ANXA4: variants seen among roughly 807,000 people sequenced by gnomAD.
ANXA4 encodes 35-beta calcimedin.
ANXA4 carries 39 observed loss-of-function variants against 49.8 expected under a neutral mutation model. The ratio of observed to expected loss-of-function variants is 0.78; its 90% CI spans 0.61 to 1.02. The LOEUF (loss-of-function observed/expected upper bound fraction) is 1.02. ANXA4 is among the 50% of genes least tolerant of loss of function. ANXA4 has a pLI of 0.00. For synonymous variants in ANXA4, 134 were observed against 152.5 expected (o/e 0.88, Z 0.89); for missense variants, 360 against 410.1 (o/e 0.88, Z 1.05).
intron 6 of ANXA4, 82 bp from the exon 7 acceptor site, chr2:69,810,512 A>G: frequency 8.5e-7 from 1 of 1,174,730 alleles, no homozygotes; most frequent in South Asian, 1.2e-5. Flanking sequence ...GCTGGTCTTG[A>G]GGGGACAGAT....
At chr2:69,783,456 C>T (rs1672284456) in intron 2 of ANXA4, among the ~76,000 whole-genome samples, 1 of 152,198 alleles carries the variant, frequency 6.6e-6, no homozygotes, top group South Asian at 2.1e-4. Context: ...ACCTCATGAT[C>T]TGCCCGCCTC....
intron 2 of ANXA4, among the ~76,000 whole-genome samples, chr2:69,689,929 A>G (rs1677905278): frequency 6.6e-6 from 1 of 150,778 alleles, no homozygotes; most frequent in East Asian, 1.9e-4. Context: ...TCTCTCATTA[A>G]AAAAATAAGG....
intron 1 of ANXA4, among the ~76,000 whole-genome samples, chr2:69,779,215 T>C (rs1672099985): frequency 6.6e-6 from 1 of 151,504 alleles, no homozygotes; most frequent in South Asian, 2.1e-4. Flanking sequence ...GGAAAGAGCT[T>C]GAAAATTATG....
chr2:69,676,371 C>T (rs1275121048), intron 2 of ANXA4, among the ~76,000 whole-genome samples: 3 of 152,092 alleles, frequency 2.0e-5, no homozygotes, highest in South Asian at 2.1e-4. Flanking sequence ...AAGTCTCATG[C>T]GTAGTGAATG....
intron 2 of ANXA4, among the ~76,000 whole-genome samples, chr2:69,786,178 C>A (rs1573252442): frequency 1.3e-5 from 2 of 152,300 alleles, no homozygotes; most frequent in Non-Finnish European, 2.9e-5. Flanking sequence ...CTCCAGTTTT[C>A]TCCATCTGGG....
intron 2 of ANXA4, among the ~76,000 whole-genome samples, chr2:69,685,251 G>A (rs1004631318): frequency 6.6e-6 from 1 of 152,118 alleles, no homozygotes; most frequent in African/African-American, 2.4e-5. Flanking sequence ...AAACAAGTCA[G>A]GGCTAATTTA....
intron 2 of ANXA4, among the ~76,000 whole-genome samples, chr2:69,712,939 T>C (rs918648352): frequency 6.6e-6 from 1 of 152,198 alleles, no homozygotes; most frequent in African/African-American, 2.4e-5. Flanking sequence ...CAGGACTCTT[T>C]GGGGCCAATG....
chr2:69,793,001 C>T (rs1398151206), intron 3 of ANXA4, among the ~76,000 whole-genome samples: 1 of 151,220 alleles, frequency 6.6e-6, no homozygotes. Context: ...TGCCTGTAAT[C>T]CCAGCACTTT....
At position 69,811,794 on chromosome 2, in the gene ANXA4, C is replaced by T. The variant is rs143637054; in HGVS notation, c.478-859C>T. On this transcript the variant is annotated intron_variant, in intron 7 of 12. Transcript: ENST00000394295. ...GAACCCTGGAAATCATCTCCAATTTCCACTTTGCTCTTGTCTCCAATATTT... is the reference window on the plus strand; with the variant it reads ...GAACCCTGGAAATCATCTCCAATTTTCACTTTGCTCTTGTCTCCAATATTT... 5.3e-3 allele frequency among the ~76,000 whole-genome samples: 804 copies of T among 152,308 alleles called. 7 individuals are homozygous for T. The highest frequency in any genetic ancestry group is 0.017 in the African/African-American group (692 of 41,562).
At chr2:69,725,711 C>T (rs1669947483) in intron 3 of ANXA4, among the ~76,000 whole-genome samples, 1 of 152,142 alleles carries the variant, frequency 6.6e-6, no homozygotes, top group African/African-American at 2.4e-5. Context: ...GGCCTTCAGG[C>T]TAATGTGCAC....
At chr2:69,764,440 C>A (rs1671423456) in intron 1 of ANXA4, among the ~76,000 whole-genome samples, 1 of 152,170 alleles carries the variant, frequency 6.6e-6, no homozygotes, top group African/African-American at 2.4e-5. Flanking sequence ...ACTCATGATG[C>A]TGTGCAAAAG....
At chr2:69,791,974 A>G (rs1426863083) in intron 3 of ANXA4, among the ~76,000 whole-genome samples, 2 of 152,202 alleles carry the variant, frequency 1.3e-5, no homozygotes, top group African/African-American at 4.8e-5. Flanking sequence ...TTTGGAACAC[A>G]TGTTAATATT....
intron 2 of ANXA4, among the ~76,000 whole-genome samples, chr2:69,676,934 T>C (rs1282311775): frequency 2.0e-5 from 3 of 152,096 alleles, no homozygotes; most frequent in Non-Finnish European, 4.4e-5. Context: ...ATAAAATTTG[T>C]TAATATTTTG....
At chr2:69,769,855 G>A (rs1246440895) in intron 1 of ANXA4, among the ~76,000 whole-genome samples, 1 of 152,120 alleles carries the variant, frequency 6.6e-6, no homozygotes, top group Non-Finnish European at 1.5e-5. Context: ...TAGAGATGGG[G>A]TTTCCTCATG....
intron 3 of ANXA4, among the ~76,000 whole-genome samples, chr2:69,731,384 A>G (rs964948684): frequency 6.6e-6 from 1 of 152,236 alleles, no homozygotes; most frequent in Non-Finnish European, 1.5e-5. Flanking sequence ...TGAAAGCTCT[A>G]CTACAAAAAC....
At chr2:69,803,145 C>T (rs1402168149) in intron 3 of ANXA4, among the ~76,000 whole-genome samples, 1 of 151,448 alleles carries the variant, frequency 6.6e-6, no homozygotes, top group African/African-American at 2.4e-5. Context: ...AGGGAGTGAG[C>T]TGGACTGCAC....
chr2:69,788,699 G>C (rs11695691), intron 3 of ANXA4, among the ~76,000 whole-genome samples: 1 of 151,338 alleles, frequency 6.6e-6, no homozygotes, highest in Non-Finnish European at 1.5e-5. Context: ...TTAGCTGGGC[G>C]TGGTGGCGGG....
At chr2:69,760,255 A>G (rs756574639) in intron 1 of ANXA4, among the ~76,000 whole-genome samples, 1 of 152,200 alleles carries the variant, frequency 6.6e-6, no homozygotes, top group Non-Finnish European at 1.5e-5. Flanking sequence ...CATTGAAACC[A>G]AACAGTAGTG....
At chr2:69,804,409 T>A in intron 3 of ANXA4, 124 bp from the exon 4 acceptor site, 1 of 798,974 alleles carries the variant, frequency 1.3e-6, no homozygotes, top group Non-Finnish European at 2.0e-6. Flanking sequence ...ACCCTCTGAA[T>A]AAGGGCCTCT....
Sources: gnomAD v4.1 joint callset for allele counts (sites outside exome capture counted in the v4.1 genomes callset) on GRCh38, gnomAD v4.1.1 for gene constraint, MANE v1.5 for transcripts, NCBI Gene and HGNC (gene_info 2026-07-23, HGNC 2026-07-21) for gene names.